The following IL23R variants were observed in gnomAD, a reference collection of about 807,000 sequenced individuals.
IL23R encodes the protein interleukin 23 receptor, also known as interleukin-23 receptor.
In IL23R, 34 loss-of-function variants were observed where a neutral mutation model predicts 56.9. That is an observed-to-expected ratio of 0.60 (90% CI 0.45 to 0.80). The LOEUF is 0.80. Ranked by LOEUF, IL23R falls within the 30% of genes least tolerant of loss-of-function variation. The pLI, the probability that IL23R is intolerant of heterozygous loss-of-function variation, is 0.00. For missense variants in IL23R, 635 were observed against 730.0 expected, an observed-to-expected ratio of 0.87 and a Z score of 1.50; for synonymous variants, 230 against 249.2, an observed-to-expected ratio of 0.92 and a Z score of 0.73.
chr1:67,264,007 A>G (rs1428350451), downstream of IL23R, among the ~76,000 whole-genome samples: 1 of 152,212 alleles, frequency 6.6e-6, no homozygotes, highest in Non-Finnish European at 1.5e-5. Context: ...CTGAAGCAAC[A>G]TGAAAAGCTG....
downstream of IL23R, among the ~76,000 whole-genome samples, chr1:67,261,805 A>G (rs960563356): frequency 1.3e-5 from 2 of 152,230 alleles, no homozygotes; most frequent in African/African-American, 4.8e-5. Context: ...GCTTTTATCA[A>G]GCTTAAAGGA....
intron 1 of IL23R, among the ~76,000 whole-genome samples, chr1:67,143,820 G>A (rs1183301476): frequency 6.6e-6 from 1 of 152,174 alleles, no homozygotes; most frequent in Non-Finnish European, 1.5e-5. Context: ...GACATCAGCA[G>A]AATATGCCAC....
At chr1:67,185,351 T>C (rs77118236) in intron 4 of IL23R, among the ~76,000 whole-genome samples, 1,552 of 152,334 alleles carry the variant, frequency 0.01, 37 homozygotes, top group African/African-American at 0.036. Context: ...ATTTAAGATA[T>C]TCTACTCAGT....
intron 4 of IL23R, among the ~76,000 whole-genome samples, chr1:67,188,328 C>T (rs1239633897): frequency 6.6e-6 from 1 of 152,192 alleles, no homozygotes. Flanking sequence ...CTTCGACCTA[C>T]ACTGAGTTGG....
chr1:67,264,610 A>G (rs1160093487), downstream of IL23R, among the ~76,000 whole-genome samples: 1 of 152,252 alleles, frequency 6.6e-6, no homozygotes, highest in Admixed American at 6.5e-5. Context: ...AAATTACAAG[A>G]AAGTCTAACA....
chr1:67,207,678 C>A (rs968916096), intron 6 of IL23R: 2 of 374,504 alleles, frequency 5.3e-6, no homozygotes, highest in Admixed American at 3.2e-5. Context: ...GATTCTGAGG[C>A]CTTACCAGCC....
At chr1:67,177,316 G>A (rs1035179757) in intron 3 of IL23R, among the ~76,000 whole-genome samples, 1 of 152,160 alleles carries the variant, frequency 6.6e-6, no homozygotes, top group Non-Finnish European at 1.5e-5. Flanking sequence ...CATTCTACCT[G>A]GTGTGAGATG....
chr1:67,197,612 G>C (rs1457578053), intron 4 of IL23R, among the ~76,000 whole-genome samples: 1 of 152,216 alleles, frequency 6.6e-6, no homozygotes, highest in Non-Finnish European at 1.5e-5. Context: ...TAGGAGATTT[G>C]AGGACACTCC....
intron 1 of IL23R, among the ~76,000 whole-genome samples, chr1:67,157,740 CT>C (rs1334548803): frequency 6.6e-6 from 1 of 152,232 alleles, no homozygotes; most frequent in Non-Finnish European, 1.5e-5. Flanking sequence ...ATTAAACTTG[CT>C]GTCTACCTTT....
chr1:67,240,141 A>T (rs1251193583), intron 8 of IL23R, 38 bp from the exon 9 acceptor site: 1 of 1,321,462 alleles, frequency 7.6e-7, no homozygotes, highest in East Asian at 2.3e-5. Context: ...AATGAAGACT[A>T]ATGCTTGGTT....
chr1:67,240,721 G>C (rs1651790122), intron 9 of IL23R, among the ~76,000 whole-genome samples: 1 of 152,176 alleles, frequency 6.6e-6, no homozygotes, highest in Non-Finnish European at 1.5e-5. Flanking sequence ...AAAAACTTCA[G>C]CCAAATTAAA....
intron 1 of IL23R, among the ~76,000 whole-genome samples, chr1:67,149,953 G>A (rs1646713687): frequency 6.6e-6 from 1 of 152,092 alleles, no homozygotes; most frequent in Admixed American, 6.5e-5. Context: ...AGAGTTAGTC[G>A]AAAAATTGCT....
chr1:67,181,986 T>C (rs1455172624), intron 3 of IL23R, among the ~76,000 whole-genome samples: 1 of 152,202 alleles, frequency 6.6e-6, no homozygotes, highest in African/African-American at 2.4e-5. Flanking sequence ...TGATTGTTCC[T>C]CTGGAAGTTT....
intron 6 of IL23R, among the ~76,000 whole-genome samples, chr1:67,216,856 T>C (rs1305190285): frequency 6.6e-6 from 1 of 152,072 alleles, no homozygotes; most frequent in Non-Finnish European, 1.5e-5. Flanking sequence ...AGACAGAAAA[T>C]GTGGAAAAAT....
At chr1:67,166,281 G>A (rs964612825), upstream of IL23R, 5 of 152,250 alleles carry the variant, frequency 3.3e-5, no homozygotes, top group Admixed American at 1.3e-4. Flanking sequence ...AAAAAGTACC[G>A]ACAAAACAGT....
chr1:67,216,639 T>A (rs1649852474), intron 6 of IL23R, among the ~76,000 whole-genome samples: 1 of 152,222 alleles, frequency 6.6e-6, no homozygotes, highest in Non-Finnish European at 1.5e-5. Flanking sequence ...CACTGAAATT[T>A]GAATTTCACA....
chr1:67,265,141 G>A, the IL23R span, among the ~76,000 whole-genome samples: 48 of 152,310 alleles, frequency 3.2e-4, no homozygotes, highest in South Asian at 8.3e-4. Context: ...GTCAATAAAC[G>A]TTACTGTTTT....
intron 8 of IL23R, among the ~76,000 whole-genome samples, chr1:67,238,573 GA>G (rs1208662119): frequency 1.3e-5 from 2 of 152,110 alleles, no homozygotes; most frequent in African/African-American, 4.8e-5. Context: ...TTTTCCAAAA[GA>G]GAAAACCTGA....
intron 9 of IL23R, among the ~76,000 whole-genome samples, chr1:67,247,371 C>A (rs1402163499): frequency 6.6e-6 from 1 of 151,214 alleles, no homozygotes; most frequent in African/African-American, 2.4e-5. Context: ...ATGGCACGAT[C>A]TTGGCTCCCT....
Sources: gnomAD v4.1 joint callset for allele counts (sites outside exome capture counted in the v4.1 genomes callset) on GRCh38, gnomAD v4.1.1 for gene constraint, MANE v1.5 for transcripts, NCBI Gene and HGNC (gene_info 2026-07-23, HGNC 2026-07-21) for gene names.